AGBL2: variants seen among roughly 807,000 people sequenced by gnomAD.
AGBL2 encodes the protein cytosolic carboxypeptidase 2.
AGBL2 carries 87 observed loss-of-function variants against 103.0 expected under a neutral mutation model. That is an observed-to-expected ratio of 0.84 (90% CI 0.71 to 1.01). The LOEUF is 1.01. Ranked by LOEUF, AGBL2 falls within the 50% of genes least tolerant of loss-of-function variation. AGBL2 has a pLI of 0.00. For missense variants in AGBL2, 904 were observed against 1,023.5 expected (o/e 0.88, Z 1.59); for synonymous variants, 335 against 356.7 (o/e 0.94, Z 0.69).
intron 4 of AGBL2, among the ~76,000 whole-genome samples, chr11:47,707,980 C>T (rs2097526178): frequency 6.6e-6 from 1 of 152,058 alleles, no homozygotes; most frequent in African/African-American, 2.4e-5. Flanking sequence ...ACTCAAAATC[C>T]TGGGCAATTC....
chr11:47,679,043 A>T (rs1259630714), intron 13 of AGBL2, among the ~76,000 whole-genome samples: 1 of 125,044 alleles, frequency 8.0e-6, no homozygotes, highest in Non-Finnish European at 1.6e-5. Context: ...TGGGCGACAG[A>T]TGGAGACCCT....
In AGBL2 at chr11:47,714,278, T is replaced by C. The variant is rs2097543820; in HGVS notation, c.97+6A>G. On this transcript the variant is annotated splice_donor_region_variant and intron_variant, in intron 3 of 18. Transcript: ENST00000525123. ...AAGGTGATACTAGATAAGAACATGGTATTACCTTTAAAGTAGCCATAATAT... is the reference window on the plus strand; with the variant it reads ...AAGGTGATACTAGATAAGAACATGGCATTACCTTTAAAGTAGCCATAATAT... 1 of 1,608,992 alleles carries C rather than the reference T, an allele frequency of 6.2e-7. No individual in the cohort carries two copies. The highest frequency in any genetic ancestry group is 1.1e-5 in the South Asian group (1 of 90,938).
intron 16 of AGBL2, 99 bp downstream of exon 16, chr11:47,667,471 TC>T: frequency 7.2e-7 from 1 of 1,386,086 alleles, no homozygotes; most frequent in Non-Finnish European, 9.9e-7. Context: ...CCAATCTCCA[TC>T]CCCTTTTTGG....
At chr11:47,710,261 A>G (rs993712037) in intron 4 of AGBL2, 116 bp downstream of exon 4, 20 of 1,266,042 alleles carry the variant, frequency 1.6e-5, no homozygotes, top group Admixed American at 4.2e-5. Flanking sequence ...GGTGTTAGAA[A>G]CAGAGGCCAA....
chr11:47,688,911 T>A (rs2097434387), intron 10 of AGBL2, among the ~76,000 whole-genome samples: 1 of 152,160 alleles, frequency 6.6e-6, no homozygotes, highest in South Asian at 2.1e-4. Context: ...AATTTTTCTA[T>A]TTTTAGTAGA....
chr11:47,710,147 C>T, intron 4 of AGBL2: 1 of 477,656 alleles, frequency 2.1e-6, no homozygotes. Context: ...CCTCAGCCTC[C>T]CAAAGTGCTG....
At chr11:47,710,667 A>T in intron 3 of AGBL2, 156 bp from the exon 4 acceptor site, 1 of 861,456 alleles carries the variant, frequency 1.2e-6, no homozygotes, top group South Asian at 1.4e-5. Context: ...TCATATTCCA[A>T]CTTATGTGAG....
At position 47,710,404 on chromosome 11, in the gene AGBL2, C is replaced by A; in HGVS notation, c.205G>T (p.Asp69Tyr). 1 of 1,614,098 alleles carries A rather than the reference C, an allele frequency of 6.2e-7. No homozygotes were observed. Among genetic ancestry groups the A allele is most frequent in the South Asian group, 1.1e-5 (1 of 91,084 alleles). The change falls in exon 4 of 19, where the codon GAC becomes TAC. Residue 69 changes from aspartate to tyrosine, a missense_variant. Transcript: ENST00000525123. ...SLGEKDDLIP[D>Y]TLQKEKLLWP... The stretch of plus-strand genomic sequence containing the variant: ...AGAAGCTTCTCCTTTTGCAGGGTGT[C>A]TGGTATCAAATCATCTTTTTCCCCA...
At chr11:47,679,651 CTTT>C (rs1177330827) in intron 13 of AGBL2, among the ~76,000 whole-genome samples, 2 of 142,496 alleles carry the variant, frequency 1.4e-5, no homozygotes, top group African/African-American at 2.6e-5. Context: ...CATCACATTT[CTTT>C]TTTTTTTTTT....
chr11:47,676,092 C>T (rs887627151), intron 14 of AGBL2, among the ~76,000 whole-genome samples: 2 of 151,958 alleles, frequency 1.3e-5, no homozygotes, highest in Non-Finnish European at 2.9e-5. Context: ...TAGCCTACTG[C>T]TTGTTCGAGG....
At position 47,667,658 on chromosome 11, in the gene AGBL2, C is replaced by CT. The variant is rs776595317; in HGVS notation, c.2252dup (p.Lys752GlufsTer6). 3 of 1,612,494 alleles carry CT rather than the reference C, an allele frequency of 1.9e-6. No individual in the cohort carries two copies. The highest frequency in any genetic ancestry group is 2.2e-5 in the South Asian group (2 of 90,920). ...GCTGTTTCCTAGTCTGAAGTGACTT[C>CT]TTTTTTTTCTTCTTAAACATCTTCT... On this transcript the variant is annotated frameshift_variant, in exon 16 of 19. Coordinates refer to ENST00000525123, the MANE Select transcript of AGBL2 (RefSeq NM_024783.4). LOFTEE classifies it high-confidence loss of function.
At chr11:47,662,881 C>A in intron 18 of AGBL2, 145 bp downstream of exon 18, 1 of 704,702 alleles carries the variant, frequency 1.4e-6, no homozygotes, top group South Asian at 1.7e-5. Context: ...GTGCAAAATG[C>A]CTTAGATGTT....
intron 3 of AGBL2, chr11:47,711,051 C>T (rs1165870097): frequency 3.9e-6 from 1 of 259,066 alleles, no homozygotes; most frequent in Non-Finnish European, 7.6e-6. Context: ...CACATGTACC[C>T]TCTAATCTAT....
At chr11:47,665,934 G>A (rs942887315) in intron 17 of AGBL2, among the ~76,000 whole-genome samples, 5 of 151,898 alleles carry the variant, frequency 3.3e-5, no homozygotes, top group East Asian at 2.0e-4. Flanking sequence ...ACTTGAACCC[G>A]GGAAGTGGAG....
At chr11:47,703,323 A>C (rs1334545041) in intron 7 of AGBL2, among the ~76,000 whole-genome samples, 1 of 152,138 alleles carries the variant, frequency 6.6e-6, no homozygotes, top group African/African-American at 2.4e-5. Flanking sequence ...AAAACCACTG[A>C]AACAGGTTAA....
intron 17 of AGBL2, among the ~76,000 whole-genome samples, chr11:47,665,560 A>G (rs911488382): frequency 4.6e-5 from 7 of 151,784 alleles, no homozygotes; most frequent in African/African-American, 1.7e-4. Flanking sequence ...GTCTCATGTG[A>G]TCTGCCCACC....
intron 10 of AGBL2, among the ~76,000 whole-genome samples, chr11:47,686,395 A>T (rs2097423657): frequency 6.6e-6 from 1 of 150,844 alleles, no homozygotes. Flanking sequence ...CAGCCTCCTA[A>T]GTAGTTGGGA....
chr11:47,709,589 CTT>C (rs779043314), intron 4 of AGBL2, among the ~76,000 whole-genome samples: 52 of 143,826 alleles, frequency 3.6e-4, no homozygotes, highest in Non-Finnish European at 3.2e-4. Context: ...CAATGTATTA[CTT>C]TTTTTTTTTT....
intron 18 of AGBL2, 40 bp from the exon 19 acceptor site, chr11:47,660,386 T>G: frequency 1.9e-6 from 3 of 1,571,760 alleles, no homozygotes; most frequent in Non-Finnish European, 2.6e-6. Context: ...TTCAGTTTAT[T>G]TTGCCATTTC....
Sources: allele counts gnomAD v4.1 joint callset (sites outside exome capture counted in the v4.1 genomes callset), GRCh38; gene constraint gnomAD v4.1.1; transcripts MANE v1.5; gene names NCBI Gene and HGNC (gene_info 2026-07-23, HGNC 2026-07-21).